TYK2: variants seen among roughly 807,000 people sequenced by gnomAD.
The protein encoded by TYK2 is tyrosine kinase 2, also known as non-receptor tyrosine-protein kinase TYK2.
A neutral mutation model predicts 130.9 loss-of-function variants in TYK2; 65 were observed. The observed-to-expected ratio is 0.50, with a 90% confidence interval of 0.41 to 0.61. The LOEUF (loss-of-function observed/expected upper bound fraction) is 0.61. Among genes scored for constraint, TYK2 ranks in the 20% least tolerant of loss-of-function variants. The pLI, the probability that TYK2 is intolerant of heterozygous loss-of-function variation, is 0.00. For missense variants in TYK2, 1,378 were observed against 1,610.7 expected, an observed-to-expected ratio of 0.86 and a Z score of 2.47; for synonymous variants, 647 against 658.9, an observed-to-expected ratio of 0.98 and a Z score of 0.28.
chr19:10,372,480 ATATATTTT>A (rs2041955237), intron 3 of TYK2, among the ~76,000 whole-genome samples: 1 of 64,052 alleles, frequency 1.6e-5, no homozygotes, highest in Non-Finnish European at 2.7e-5. Flanking sequence ...ATATATATAT[ATATATTTT>A]TTTTTTTTTT....
At chr19:10,355,041 A>AAG (rs1555716746) in intron 18 of TYK2, among the ~76,000 whole-genome samples, 3 of 151,082 alleles carry the variant, frequency 2.0e-5, no homozygotes, top group African/African-American at 7.4e-5. Flanking sequence ...AAAAAAAAAA[A>AAG]AAAGAAAGAA....
intron 3 of TYK2, among the ~76,000 whole-genome samples, chr19:10,375,036 C>T (rs972456463): frequency 1.3e-5 from 2 of 152,030 alleles, no homozygotes; most frequent in African/African-American, 4.8e-5. Context: ...GGTGTGGTGA[C>T]ATGTGCCTGT....
chr19:10,373,738 C>T (rs936472676), intron 3 of TYK2, among the ~76,000 whole-genome samples: 4 of 152,146 alleles, frequency 2.6e-5, no homozygotes, highest in African/African-American at 7.2e-5. Flanking sequence ...CCATTGCTCC[C>T]GGAGAATGCC....
rs143538128 is a variant in TYK2 at position 10,350,931 on chromosome 19, G to A, written c.3467C>T (p.Ala1156Val). The A allele has an allele frequency of 8.7e-6, 14 of 1,614,228 alleles. No individual in the cohort carries two copies. Among genetic ancestry groups the A allele is most frequent in the African/African-American group, 2.7e-5 (2 of 75,060 alleles). ...GTTCTCGAAGGTTGGGCGAAAGGAC[G>A]CCTCTGTCTCCCAGCAGTTCTTCAT... The part of the protein sequence containing the change: ...HLMKNCWETE[A>V]SFRPTFENLI... The change falls in exon 25 of 25, where the codon GCG (alanine) becomes GTG (valine). Residue 1156 changes from alanine (A) to valine (V), a missense_variant. Coordinates refer to ENST00000525621, the MANE Select transcript of TYK2 (RefSeq NM_003331.5).
At chr19:10,370,782 G>A (rs779978123) in intron 3 of TYK2, among the ~76,000 whole-genome samples, 15 of 151,682 alleles carry the variant, frequency 9.9e-5, no homozygotes, top group Admixed American at 6.6e-4. Flanking sequence ...ACGCCACTGC[G>A]CTCCAGCCTG....
intron 1 of TYK2, among the ~76,000 whole-genome samples, 188 bp from the exon 2 acceptor site, chr19:10,379,967 C>A (rs12720220): frequency 0.026 from 3,957 of 152,250 alleles, 169 homozygotes; most frequent in African/African-American, 0.09. Context: ...CTCCATCCCC[C>A]CAATCCAGGG....
intron 3 of TYK2, 62 bp from the exon 4 acceptor site, chr19:10,368,480 C>G: frequency 6.2e-7 from 1 of 1,610,738 alleles, no homozygotes; most frequent in Non-Finnish European, 8.5e-7. Context: ...CCCCAAAGAC[C>G]CCCCAGACCC....
At chr19:10,358,306 T>G (rs1437110554) in intron 15 of TYK2, among the ~76,000 whole-genome samples, 168 bp from the exon 16 acceptor site, 3 of 147,710 alleles carry the variant, frequency 2.0e-5, no homozygotes, top group Admixed American at 6.7e-5. Context: ...TTTTTTTTTT[T>G]TTTTTTTTTT....
Position 10,352,563 on chromosome 19 carries a change from G to C in TYK2, c.3201-12C>G, listed in dbSNP as rs2040864588. The C allele has an allele frequency of 7.2e-7, 1 of 1,392,644 alleles. No homozygotes were observed. The highest frequency in any genetic ancestry group is 2.0e-5 in the Admixed American group (1 of 49,648). 86.3% of individuals were successfully genotyped at this position (1,392,644 alleles called of 1,614,324 possible). ...ACTCTGGGGCATACCTAGGGGGAGG[G>C]GGGCACTCAGGCCACGGGGGGCTGC... On this transcript the variant is annotated splice_polypyrimidine_tract_variant and intron_variant, in intron 22 of 24. Transcript: ENST00000525621.
intron 7 of TYK2, 139 bp downstream of exon 7, chr19:10,365,378 C>T: frequency 7.5e-7 from 1 of 1,334,972 alleles, no homozygotes; most frequent in Admixed American, 1.8e-5. Flanking sequence ...AAGAAACTGG[C>T]CCTAGCGGAC....
At position 10,356,620 on chromosome 19, in the gene TYK2, C is replaced by T; in HGVS notation, c.2565G>A (p.Gln855=). Residue 855 remains glutamine, a synonymous_variant, in exon 18 of 25, where the codon CAG becomes CAA. Transcript: ENST00000525621. ...GCAGGATGGTGCGGAATGATGGCCT[C>T]TGGGTTGGCTCATAGGTCAGACACT... ...TSQCLTYEPT[Q]RPSFRTILRD... is the part of the protein sequence containing the mutation. 2.5e-6 allele frequency: 4 copies of T among 1,613,828 alleles called. No individual in the cohort carries two copies. Among genetic ancestry groups the T allele is most frequent in the Non-Finnish European group, 3.4e-6 (4 of 1,179,990 alleles).
rs756742784 is a variant in TYK2 at position 10,351,074 on chromosome 19, C to G, written c.3407G>C (p.Arg1136Pro). Residue 1136 changes from arginine (R) to proline (P), a missense_variant, in exon 24 of 25, where the codon CGG becomes CCG. Coordinates refer to ENST00000525621, the MANE Select transcript of TYK2 (RefSeq NM_003331.5). The part of the protein sequence containing the change: ...ELLERGERLP[R>P]PDKCPCEVYH... ...CACCTCACAGGGACATTTGTCGGGC[C>G]GTGGCAGCCTCTCCCCTCGTTCCAG... is the stretch of plus-strand genomic sequence containing the variant. 17 of 1,614,126 alleles carry G rather than the reference C, an allele frequency of 1.1e-5. No individual in the cohort carries two copies. The highest frequency in any genetic ancestry group is 1.3e-5 in the Non-Finnish European group (15 of 1,180,022).
intron 3 of TYK2, among the ~76,000 whole-genome samples, chr19:10,374,577 T>C (rs1599364312): frequency 2.2e-5 from 2 of 89,080 alleles, no homozygotes; most frequent in African/African-American, 9.6e-5. Context: ...AGAGCGAGAC[T>C]CCGTCTCAAA....
intron 15 of TYK2, 84 bp downstream of exon 15, chr19:10,359,091 T>G: frequency 1.3e-6 from 2 of 1,546,732 alleles, no homozygotes; most frequent in Non-Finnish European, 1.7e-6. Context: ...AGATGGGGTC[T>G]CGCCCTGTTG....
At chr19:10,370,743 G>A (rs2041878207) in intron 3 of TYK2, among the ~76,000 whole-genome samples, 1 of 151,824 alleles carries the variant, frequency 6.6e-6, no homozygotes, top group Non-Finnish European at 1.5e-5. Context: ...GCTTGAACCT[G>A]GAGGCAGAGG....
At chr19:10,356,973 T>G (rs1393568575) in intron 17 of TYK2, 2 of 554,802 alleles carry the variant, frequency 3.6e-6, no homozygotes, top group Non-Finnish European at 6.5e-6. Flanking sequence ...GCTTCCCTCC[T>G]GCCCCTCCTG....
chr19:10,354,630 A>G lies in TYK2; in HGVS notation c.2618-21T>C. On this transcript the variant is annotated intron_variant, in intron 18 of 24. Coordinates refer to ENST00000525621, the MANE Select transcript of TYK2 (RefSeq NM_003331.5). ...AAGATCTGGAAGAGTTGCGGTGGGTAAAGGCCTGACCCCGATCCTTTCCCC... is the reference window on the plus strand; with the variant it reads ...AAGATCTGGAAGAGTTGCGGTGGGTGAAGGCCTGACCCCGATCCTTTCCCC... The G allele has an allele frequency of 1.9e-6, 3 of 1,602,932 alleles. No individual in the cohort carries two copies. The Middle Eastern group carries it at 5.0e-4, about 265-fold the overall frequency.
intron 3 of TYK2, 32 bp downstream of exon 3, chr19:10,378,182 C>T (rs375030100): frequency 6.2e-7 from 1 of 1,609,820 alleles, no homozygotes; most frequent in Non-Finnish European, 8.5e-7. Context: ...ACACCCACCC[C>T]AGTCCCCATG....
Position 10,365,867 on chromosome 19 carries a change from G to C in TYK2, c.661C>G (p.Arg221Gly). ...FKDCIPRSFR[R>G]HIRQHSALTR... ...AGGGCGCTGTGCTGCCGGATATGCC[G>C]GCGGAAGGAGCGCGGGATGCAGTCC... is the stretch of plus-strand genomic sequence containing the variant. The change falls in exon 7 of 25, where the codon CGG becomes GGG. Residue 221 changes from arginine to glycine, a missense_variant. Transcript: ENST00000525621. The C allele has an allele frequency of 6.2e-7, 1 of 1,611,826 alleles. No individual in the cohort carries two copies. Among genetic ancestry groups the C allele is most frequent in the Non-Finnish European group, 8.5e-7 (1 of 1,179,418 alleles).
Sources: gnomAD v4.1 joint callset for allele counts (sites outside exome capture counted in the v4.1 genomes callset) on GRCh38, gnomAD v4.1.1 for gene constraint, MANE v1.5 for transcripts, NCBI Gene and HGNC (gene_info 2026-07-23, HGNC 2026-07-21) for gene names.